Variants in RGS22 observed in about 807,000 individuals in gnomAD.
The protein encoded by RGS22 is regulator of G protein signaling 22.
A neutral mutation model predicts 172.9 loss-of-function variants in RGS22; 148 were observed. The ratio of observed to expected loss-of-function variants is 0.86; its 90% confidence interval spans 0.75 to 0.98. The LOEUF is 0.98. RGS22 is among the 50% of genes least tolerant of loss of function. RGS22 has a pLI of 0.00. For missense variants in RGS22, 1,347 were observed against 1,440.8 expected (o/e 0.93, Z 1.05); for synonymous variants, 458 against 480.2 (o/e 0.95, Z 0.60).
chr8:100,067,308 G>A (rs557590228), intron 6 of RGS22, among the ~76,000 whole-genome samples: 1 of 152,282 alleles, frequency 6.6e-6, no homozygotes, highest in South Asian at 2.1e-4. Flanking sequence ...CCTCTTAGAG[G>A]TAAGGTTTCC....
chr8:100,083,884 T>C (rs1224877884), intron 3 of RGS22, among the ~76,000 whole-genome samples: 2 of 150,032 alleles, frequency 1.3e-5, no homozygotes, highest in African/African-American at 4.9e-5. Flanking sequence ...TCTTGCTCTG[T>C]CGCCAGGCTG....
intron 10 of RGS22, 80 bp from the exon 11 acceptor site, chr8:100,047,676 C>G: frequency 7.8e-7 from 1 of 1,289,312 alleles, no homozygotes; most frequent in East Asian, 2.7e-5. Flanking sequence ...AATTTGTTCT[C>G]ATCACTCGAG....
chr8:100,046,713 A>G (rs1405224824), intron 11 of RGS22, among the ~76,000 whole-genome samples: 1 of 151,278 alleles, frequency 6.6e-6, no homozygotes, highest in African/African-American at 2.4e-5. Flanking sequence ...CAAAACCCAG[A>G]GAATAAGAAT....
chr8:99,985,423 A>G (rs1334360582), intron 21 of RGS22, among the ~76,000 whole-genome samples: 1 of 152,190 alleles, frequency 6.6e-6, no homozygotes, highest in Admixed American at 6.5e-5. Flanking sequence ...TGCAAGTGTC[A>G]TCACTCTTGC....
intron 11 of RGS22, among the ~76,000 whole-genome samples, chr8:100,046,997 G>A (rs963650132): frequency 1.3e-5 from 2 of 151,806 alleles, no homozygotes; most frequent in African/African-American, 2.4e-5. Flanking sequence ...TAAAACTTTT[G>A]TAGAGACATG....
chr8:100,053,333 A>G (rs1180213584), intron 9 of RGS22, among the ~76,000 whole-genome samples: 1 of 151,820 alleles, frequency 6.6e-6, no homozygotes, highest in Non-Finnish European at 1.5e-5. Flanking sequence ...GAGGCAGGAG[A>G]TTTGCTTGAA....
chr8:99,989,121 CT>C (rs2131256768), intron 20 of RGS22, among the ~76,000 whole-genome samples: 1 of 152,046 alleles, frequency 6.6e-6, no homozygotes, highest in African/African-American at 2.4e-5. Context: ...AAGTTTCTTT[CT>C]TTTCAAGAGG....
At chr8:100,093,623 TTAGTCAGTCAACAG>T in intron 2 of RGS22, 114 bp from the exon 3 acceptor site, 1 of 710,462 alleles carries the variant, frequency 1.4e-6, no homozygotes, top group Non-Finnish European at 2.4e-6. Context: ...CAAATCTCTT[TTAGTCAGTCAACAG>T]TGAACCCTCA....
In RGS22 at chr8:99,997,340, G is replaced by A. The variant is rs113345320; in HGVS notation, c.2950-810C>T. 8.1e-3 allele frequency among the ~76,000 whole-genome samples: 1,236 copies of A among 152,294 alleles called. 14 individuals carry two copies. Among genetic ancestry groups the A allele is most frequent in the South Asian group, 0.026 (125 of 4,818 alleles). On this transcript the variant is annotated intron_variant, in intron 19 of 27. Coordinates refer to ENST00000360863, the MANE Select transcript of RGS22 (RefSeq NM_015668.5). ...ACAGTGATAAACATAATGAGGAAACGTGGTAAATAATATTAGCAAGCCAAA... is the reference window on the plus strand; with the variant it reads ...ACAGTGATAAACATAATGAGGAAACATGGTAAATAATATTAGCAAGCCAAA...
At chr8:100,034,195 T>G (rs978077132) in intron 14 of RGS22, among the ~76,000 whole-genome samples, 1 of 152,202 alleles carries the variant, frequency 6.6e-6, no homozygotes, top group South Asian at 2.1e-4. Context: ...GCAGATGACA[T>G]GATTGTATAT....
chr8:100,093,655 C>T (rs949729973), intron 2 of RGS22, 146 bp from the exon 3 acceptor site: 7 of 587,652 alleles, frequency 1.2e-5, no homozygotes, highest in African/African-American at 1.1e-4. Flanking sequence ...TCACTATAAA[C>T]TGAACACAGT....
intron 9 of RGS22, among the ~76,000 whole-genome samples, chr8:100,060,421 T>TATATACACAC (rs1245783464): frequency 3.3e-5 from 4 of 119,482 alleles, no homozygotes; most frequent in African/African-American, 1.2e-4. Context: ...TATATATATA[T>TATATACACAC]ACACACACAC....
chr8:100,031,587 G>A (rs1417443747), intron 14 of RGS22, among the ~76,000 whole-genome samples: 4 of 151,982 alleles, frequency 2.6e-5, no homozygotes, highest in East Asian at 3.9e-4. Context: ...GTGTGTGTGT[G>A]TACTTAAACA....
rs748677170 is a variant in RGS22, at chr8:100,093,555, T to A, written c.55-46A>T. On this transcript the variant is annotated intron_variant, in intron 2 of 27. Transcript: ENST00000360863. Reference sequence around the variant, plus strand: ...AACACAGTATTATAATTATACATTTTAAATCATGCCTATATTATTCTCTAT... The same window carrying A: ...AACACAGTATTATAATTATACATTTAAAATCATGCCTATATTATTCTCTAT... The A allele has an allele frequency of 3.2e-6, 4 of 1,232,984 alleles. No individual in the cohort carries two copies. The South Asian group carries it at 5.2e-5, about 16-fold the overall frequency. 76.4% of individuals were successfully genotyped at this position (1,232,984 alleles called of 1,614,324 possible).
At chr8:100,079,407 C>A (rs1457509075) in intron 4 of RGS22, among the ~76,000 whole-genome samples, 1 of 151,922 alleles carries the variant, frequency 6.6e-6, no homozygotes, top group Non-Finnish European at 1.5e-5. Flanking sequence ...TATTTGAATT[C>A]AGTAACAGAA....
chr8:100,072,855 G>T (rs1369288357), intron 4 of RGS22, among the ~76,000 whole-genome samples: 1 of 152,190 alleles, frequency 6.6e-6, no homozygotes, highest in Non-Finnish European at 1.5e-5. Flanking sequence ...TAGCTAGGTT[G>T]AGCAGGGAAG....
At chr8:100,030,447 A>G (rs1818667844) in intron 14 of RGS22, among the ~76,000 whole-genome samples, 1 of 152,218 alleles carries the variant, frequency 6.6e-6, no homozygotes, top group South Asian at 2.1e-4. Flanking sequence ...TCCCAGAAGA[A>G]GGCATTGTTA....
chr8:100,093,371 T>C lies in RGS22; in HGVS notation c.117+76A>G, dbSNP rs191036269. ...AAAAGCATTATCCCTGATAAATTGGTTTCACAAGATAACCCAGTGATTAAA... is the reference window on the plus strand; with the variant it reads ...AAAAGCATTATCCCTGATAAATTGGCTTCACAAGATAACCCAGTGATTAAA... On this transcript the variant is annotated intron_variant, in intron 3 of 27. Coordinates refer to ENST00000360863, the MANE Select transcript of RGS22 (RefSeq NM_015668.5). 163 of 818,076 alleles carry C rather than the reference T, an allele frequency of 2.0e-4. No homozygotes were observed. In the African/African-American group the frequency reaches 2.6e-3, roughly 13 times the overall value. The allele number at this position is 818,076 out of a possible 1,614,324, so 50.7% of individuals were successfully genotyped here.
chr8:100,078,191 T>C (rs889652915), intron 4 of RGS22, among the ~76,000 whole-genome samples: 4 of 152,128 alleles, frequency 2.6e-5, no homozygotes, highest in Admixed American at 6.5e-5. Flanking sequence ...GGCTTTTACT[T>C]GGGGTGCTTA....
Sources: allele counts gnomAD v4.1 joint callset (sites outside exome capture counted in the v4.1 genomes callset), GRCh38; gene constraint gnomAD v4.1.1; transcripts MANE v1.5; gene names NCBI Gene and HGNC (gene_info 2026-07-23, HGNC 2026-07-21).